Variants in MED30 observed in about 807,000 individuals in gnomAD.
MED30 encodes the protein mediator complex subunit 30.
Under a neutral mutation model 21.7 loss-of-function variants are expected in MED30, and 8 were observed. The observed-to-expected ratio is 0.37, with a 90% CI of 0.22 to 0.67. The LOEUF is 0.67. Among genes scored for constraint, MED30 ranks in the 30% least tolerant of loss-of-function variants. The probability of loss-of-function intolerance (pLI) is 0.58; values close to 1 mark genes in which losing one functional copy is unlikely to be tolerated. For synonymous variants in MED30, 79 were observed against 86.7 expected (o/e 0.91, Z 0.49); for missense variants, 203 against 228.2 (o/e 0.89, Z 0.71).
chr8:117,527,854 G>A (rs1402239722), intron 1 of MED30, among the ~76,000 whole-genome samples: 1 of 151,678 alleles, frequency 6.6e-6, no homozygotes, highest in Admixed American at 6.6e-5. Context: ...ATAAAATATT[G>A]TACAGCTGTA....
intron 1 of MED30, among the ~76,000 whole-genome samples, chr8:117,522,403 A>G (rs1818639431): frequency 6.6e-6 from 1 of 152,156 alleles, no homozygotes; most frequent in Non-Finnish European, 1.5e-5. Flanking sequence ...ATTGTTTTGC[A>G]TTTGGATATC....
chr8:117,537,533 C>T (rs983684535), intron 3 of MED30, among the ~76,000 whole-genome samples: 3 of 151,834 alleles, frequency 2.0e-5, no homozygotes, highest in Admixed American at 6.6e-5. Context: ...TCCCAAGAGC[C>T]TTATAATATA....
At position 117,536,861 on chromosome 8, in the gene MED30, G is replaced by A. The variant is rs565469608; in HGVS notation, c.442-3022G>A. 4.7e-4 allele frequency among the ~76,000 whole-genome samples: 71 copies of A among 152,318 alleles called. 1 individual carries two copies. The South Asian group carries it at 7.5e-3, about 16-fold the overall frequency. On this transcript the variant is annotated intron_variant, in intron 3 of 3. Transcript: ENST00000297347. ...GGGCCACATTGTAAGAAGAAGAATT[G>A]TTTTGGGCCACATATAAACTATACT...
At chr8:117,525,438 TA>T (rs1450957522) in intron 1 of MED30, among the ~76,000 whole-genome samples, 12 of 151,832 alleles carry the variant, frequency 7.9e-5, no homozygotes, top group African/African-American at 2.9e-4. Context: ...AACTTAAAGT[TA>T]TTTTTTTCCC....
chr8:117,532,091 G>GGAAGCTTTGA, intron 3 of MED30, among the ~76,000 whole-genome samples: 1 of 152,032 alleles, frequency 6.6e-6, no homozygotes, highest in East Asian at 1.9e-4. Context: ...AACTTATTAA[G>GGAAGCTTTGA]ATACATAAAG....
chr8:117,531,867 G>T (rs1223540838), intron 3 of MED30, among the ~76,000 whole-genome samples: 1 of 151,814 alleles, frequency 6.6e-6, no homozygotes, highest in Non-Finnish European at 1.5e-5. Context: ...ATGACAGTTG[G>T]GAAACAGGAG....
At chr8:117,523,394 C>A in intron 1 of MED30, 6 of 1,553,704 alleles carry the variant, frequency 3.9e-6, no homozygotes, top group Non-Finnish European at 5.3e-6. Context: ...GTATCTCTGT[C>A]GGCTTCCCCT....
At chr8:117,523,210 G>A (rs369833573) in intron 1 of MED30, 9 of 628,394 alleles carry the variant, frequency 1.4e-5, no homozygotes, top group Non-Finnish European at 2.1e-5. Flanking sequence ...TTTTTTTTAA[G>A]TTTTTTTTTT....
rs1563792563 is a variant in MED30, at chr8:117,540,048, TGAA to T, written c.*76_*78del. 1.2e-6 allele frequency: 1 copy of T among 850,508 alleles called. No individual in the cohort carries two copies. The highest frequency in any genetic ancestry group is 1.8e-6 in the Non-Finnish European group (1 of 569,604). The allele number at this position is 850,508 out of a possible 1,614,324, so 52.7% of individuals were successfully genotyped here. ...TTTTCCCTCAAGTATTTTTTCCCTGTGAAGAAGATTATTTATCTGCTTTTATTT... is the reference window on the plus strand; with the variant it reads ...TTTTCCCTCAAGTATTTTTTCCCTGTGAAGATTATTTATCTGCTTTTATTT... On this transcript the variant is annotated 3_prime_UTR_variant, in exon 4 of 4. Coordinates refer to ENST00000297347, the MANE Select transcript of MED30 (RefSeq NM_080651.4).
At chr8:117,531,222 A>G (rs1411097060) in intron 3 of MED30, among the ~76,000 whole-genome samples, 3 of 152,154 alleles carry the variant, frequency 2.0e-5, no homozygotes, top group African/African-American at 7.2e-5. Context: ...TCCCAGCATT[A>G]TTATCTACTC....
chr8:117,538,433 T>G (rs988187900), intron 3 of MED30, among the ~76,000 whole-genome samples: 9 of 152,190 alleles, frequency 5.9e-5, no homozygotes, highest in African/African-American at 2.2e-4. Flanking sequence ...GCCACCTATT[T>G]CTTGTTACTT....
At chr8:117,521,862 A>G (rs1437725188) in intron 1 of MED30, among the ~76,000 whole-genome samples, 1 of 152,208 alleles carries the variant, frequency 6.6e-6, no homozygotes, top group Non-Finnish European at 1.5e-5. Flanking sequence ...GTTGTAAATA[A>G]TGCTGCTATG....
chr8:117,536,023 A>C lies in MED30; in HGVS notation c.442-3860A>C, dbSNP rs527386445. On this transcript the variant is annotated intron_variant, in intron 3 of 3. Coordinates refer to ENST00000297347, the MANE Select transcript of MED30 (RefSeq NM_080651.4). Reference sequence around the variant, plus strand: ...TTCCATTCTTGTAGGTTTTGGGAGAAGCTTTTTGATTTGGCTTTTGTTATT... The same window carrying C: ...TTCCATTCTTGTAGGTTTTGGGAGACGCTTTTTGATTTGGCTTTTGTTATT... Among the ~76,000 whole-genome samples the C allele has an allele frequency of 1.4e-4, 22 of 152,138 alleles. No homozygotes were observed. The East Asian group carries it at 3.9e-3, about 27-fold the overall frequency.
At chr8:117,523,302 T>C in intron 1 of MED30, 1 of 1,345,730 alleles carries the variant, frequency 7.4e-7, no homozygotes, top group Non-Finnish European at 1.1e-6. Context: ...CAAATCCGCC[T>C]CTAAACTGGA....
rs1159564750 is a variant in MED30 at position 117,540,108 on chromosome 8, A to T, written c.*130A>T. 2.1e-6 allele frequency: 1 copy of T among 471,810 alleles called. No individual in the cohort carries two copies. The highest frequency in any genetic ancestry group is 3.7e-5 in the East Asian group (1 of 27,000). The allele number at this position is 471,810 out of a possible 1,614,324, so 29.2% of individuals were successfully genotyped here. On this transcript the variant is annotated 3_prime_UTR_variant, in exon 4 of 4. Coordinates refer to ENST00000297347, the MANE Select transcript of MED30 (RefSeq NM_080651.4). ...CTAAAACTAAAGTTTTTATTTTTAC[A>T]TTGTGATTTTTACATTAAAATATTA...
chr8:117,537,803 G>A (rs538883758), intron 3 of MED30, among the ~76,000 whole-genome samples: 13 of 152,142 alleles, frequency 8.5e-5, no homozygotes, highest in Non-Finnish European at 1.5e-4. Context: ...TAACCACCCA[G>A]ATGACCAATT....
chr8:117,525,868 C>A (rs1818712149), intron 1 of MED30, among the ~76,000 whole-genome samples: 1 of 152,124 alleles, frequency 6.6e-6, no homozygotes, highest in South Asian at 2.1e-4. Context: ...CAGAATTTCC[C>A]TGGCTATTCT....
chr8:117,525,294 T>G (rs1266535947), intron 1 of MED30, among the ~76,000 whole-genome samples: 1 of 151,878 alleles, frequency 6.6e-6, no homozygotes, highest in Non-Finnish European at 1.5e-5. Context: ...TTATTTATAT[T>G]TTTTTCCTGC....
intron 3 of MED30, among the ~76,000 whole-genome samples, chr8:117,532,403 T>C (rs1183521466): frequency 6.6e-6 from 1 of 151,958 alleles, no homozygotes; most frequent in African/African-American, 2.4e-5. Context: ...AAGCATATTA[T>C]AAAAATGGTA....
Sources: gnomAD v4.1 joint callset for allele counts (sites outside exome capture counted in the v4.1 genomes callset) on GRCh38, gnomAD v4.1.1 for gene constraint, MANE v1.5 for transcripts, NCBI Gene and HGNC (gene_info 2026-07-23, HGNC 2026-07-21) for gene names.